AFDN: variants seen among roughly 807,000 people sequenced by gnomAD.
AFDN encodes afadin, adherens junction formation factor.
Under a neutral mutation model 216.6 loss-of-function variants are expected in AFDN, and 68 were observed. The observed-to-expected ratio is 0.31, with a 90% confidence interval of 0.26 to 0.38. The LOEUF is 0.38. AFDN is among the 10% of genes least tolerant of loss of function. The pLI is 1.00. For synonymous variants in AFDN, 868 were observed against 853.7 expected (o/e 1.02, Z -0.29); for missense variants, 2,136 against 2,342.0 (o/e 0.91, Z 1.82).
In AFDN at chr6:167,962,942, C is replaced by T; in HGVS notation, c.4968+375C>T. 4.5e-6 allele frequency: 5 copies of T among 1,121,380 alleles called. No individual in the cohort carries two copies. The highest frequency in any genetic ancestry group is 5.5e-6 in the Non-Finnish European group (5 of 911,510). 69.5% of individuals were successfully genotyped at this position (1,121,380 alleles called of 1,614,324 possible). ...GTGATTGCTTAAATGGCATGTGGAC[C>T]GTGGGAAGCAGTAGGAGCGTAGTAA... On this transcript the variant is annotated intron_variant, in intron 31 of 33. Coordinates refer to ENST00000683244, the MANE Select transcript of AFDN (RefSeq NM_001386888.1). The surrounding 1 kb of genome is among the most constrained non-coding windows in gnomAD (Gnocchi z 5.2).
chr6:167,862,168 A>G (rs1198324280), intron 1 of AFDN, among the ~76,000 whole-genome samples: 3 of 152,170 alleles, frequency 2.0e-5, no homozygotes, highest in African/African-American at 2.4e-5. Context: ...GGAAGGGGGT[A>G]GCGGCAGATG....
At chr6:167,922,387 A>G (rs1791939809) in intron 21 of AFDN, among the ~76,000 whole-genome samples, 1 of 152,204 alleles carries the variant, frequency 6.6e-6, no homozygotes, top group African/African-American at 2.4e-5. Context: ...TTGTTATACA[A>G]GTTACCCAGT....
At position 167,918,734 on chromosome 6, in the gene AFDN, G is replaced by C; in HGVS notation, c.2710-1G>C. On this transcript the variant is annotated splice_acceptor_variant, in intron 20 of 33. Transcript: ENST00000683244. LOFTEE classifies it high-confidence loss of function. ...TAATTTTGCGTTTGTTTTCCAAACAGGATCTTATAGAAAATGTAGTGACTG... is the reference window on the plus strand; with the variant it reads ...TAATTTTGCGTTTGTTTTCCAAACACGATCTTATAGAAAATGTAGTGACTG... The C allele has an allele frequency of 6.2e-7, 1 of 1,614,110 alleles. No homozygotes were observed. The highest frequency in any genetic ancestry group is 8.5e-7 in the Non-Finnish European group (1 of 1,180,006).
chr6:167,859,041 G>A (rs1048139629), intron 1 of AFDN, among the ~76,000 whole-genome samples: 74 of 150,476 alleles, frequency 4.9e-4, no homozygotes, highest in Non-Finnish European at 1.3e-4. Context: ...AAGAATGTTA[G>A]CCTGGTGAAG....
chr6:167,872,122 C>A, intron 3 of AFDN, 92 bp from the exon 4 acceptor site: 1 of 1,166,156 alleles, frequency 8.6e-7, no homozygotes, highest in Non-Finnish European at 1.2e-6. Context: ...TTCACATGTT[C>A]GGCAGCATGT....
chr6:167,877,793 G>C (rs1013632094), intron 5 of AFDN, among the ~76,000 whole-genome samples: 1 of 152,308 alleles, frequency 6.6e-6, no homozygotes, highest in South Asian at 2.1e-4. Context: ...GAGAGTGACA[G>C]CTGTGTCTGT....
intron 1 of AFDN, among the ~76,000 whole-genome samples, chr6:167,840,095 T>C (rs1314498437): frequency 6.6e-6 from 1 of 152,186 alleles, no homozygotes; most frequent in Non-Finnish European, 1.5e-5. Context: ...GGTAGGTAGC[T>C]CATGGGCGGT....
At chr6:167,880,026 A>G (rs1178356486) in intron 5 of AFDN, among the ~76,000 whole-genome samples, 1 of 152,212 alleles carries the variant, frequency 6.6e-6, no homozygotes, top group African/African-American at 2.4e-5. Context: ...GCAGCACCAT[A>G]GAGAAATTCT....
chr6:167,922,383 T>C (rs1583420917), intron 21 of AFDN, among the ~76,000 whole-genome samples: 3 of 152,218 alleles, frequency 2.0e-5, no homozygotes, highest in Non-Finnish European at 4.4e-5. Context: ...AGAATTGTTA[T>C]ACAAGTTACC....
chr6:167,935,247 G>A (rs2128580146), intron 23 of AFDN, among the ~76,000 whole-genome samples: 1 of 152,226 alleles, frequency 6.6e-6, no homozygotes, highest in South Asian at 2.1e-4. Context: ...AAAATGTTAA[G>A]ATCAAACAGG....
chr6:167,883,214 T>C (rs1223267134), intron 6 of AFDN, among the ~76,000 whole-genome samples: 3 of 152,160 alleles, frequency 2.0e-5, no homozygotes, highest in African/African-American at 4.8e-5. Flanking sequence ...GCAGTAGTGC[T>C]GAACGGCACA....
intron 27 of AFDN, 141 bp downstream of exon 27, chr6:167,947,042 T>A: frequency 1.4e-6 from 1 of 703,114 alleles, no homozygotes; most frequent in Non-Finnish European, 2.3e-6. Context: ...ATAAGGGATA[T>A]CATAAGTAAC....
At chr6:167,906,006 G>A (rs939231818) in intron 12 of AFDN, among the ~76,000 whole-genome samples, 2 of 152,182 alleles carry the variant, frequency 1.3e-5, no homozygotes, top group South Asian at 4.1e-4. Context: ...AGGAGGCTAA[G>A]GCAGGAGAAT....
chr6:167,969,921 C>A lies in AFDN; in HGVS notation c.5482C>A (p.Leu1828Met), dbSNP rs765987505. The A allele has an allele frequency of 2.5e-6, 4 of 1,608,472 alleles. No individual in the cohort carries two copies. The highest frequency in any genetic ancestry group is 1.7e-6 in the Non-Finnish European group (2 of 1,178,446). ...TAAATTAACAGAACTGGAGAATGAA[C>A]TGAACACAAAGTGAAAGAAAATGAG... Reference protein sequence around the residue: ...SRKLTELENELNTK With the variant: ...SRKLTELENEMNTK The change falls in exon 34 of 34, where the codon CTG becomes ATG. Residue 1828 changes from leucine to methionine, a missense_variant. Leu to Met is a conservative substitution (Grantham distance 15). Transcript: ENST00000683244.
chr6:167,842,304 T>C (rs899754549), intron 1 of AFDN, among the ~76,000 whole-genome samples: 1 of 152,104 alleles, frequency 6.6e-6, no homozygotes, highest in African/African-American at 2.4e-5. Flanking sequence ...TCTTTCCTTA[T>C]CTCCCTTAGT....
chr6:167,832,702 ACT>A (rs1329586984), intron 1 of AFDN, among the ~76,000 whole-genome samples: 1 of 152,086 alleles, frequency 6.6e-6, no homozygotes, highest in Non-Finnish European at 1.5e-5. Flanking sequence ...CATGAGTGAA[ACT>A]CTTTTGAGGA....
chr6:167,951,314 C>T lies in AFDN; in HGVS notation c.3960C>T (p.Asp1320=), dbSNP rs1252618491. ...DMWINQSSSL[D]SSTSSQEHLN... ...GGATAAATCAGAGCTCCTCACTGGA[C>T]TCCAGTACCTCTAGCCAGGAGCATC... is the stretch of plus-strand genomic sequence containing the variant. The change falls in exon 30 of 34, where the codon GAC becomes GAT. Residue 1320 remains aspartate, a synonymous_variant. Transcript: ENST00000683244. The surrounding 1 kb of genome is among the most constrained non-coding windows in gnomAD (Gnocchi z 7.1). 1.9e-6 allele frequency: 3 copies of T among 1,614,054 alleles called. No homozygotes were observed. Among genetic ancestry groups the T allele is most frequent in the African/African-American group, 2.7e-5 (2 of 74,928 alleles).
At chr6:167,862,069 A>C (rs1270916963) in intron 1 of AFDN, among the ~76,000 whole-genome samples, 1 of 152,200 alleles carries the variant, frequency 6.6e-6, no homozygotes, top group African/African-American at 2.4e-5. Context: ...CTGGAATAAA[A>C]ATACAGCTCC....
At chr6:167,903,722 C>T (rs1789282115) in intron 12 of AFDN, among the ~76,000 whole-genome samples, 1 of 151,816 alleles carries the variant, frequency 6.6e-6, no homozygotes, top group Non-Finnish European at 1.5e-5. Flanking sequence ...TGCTACACAG[C>T]TTCTTGGGGA....
Sources: gnomAD v4.1 joint callset for allele counts (sites outside exome capture counted in the v4.1 genomes callset) on GRCh38, gnomAD v4.1.1 for gene constraint, Gnocchi (gnomAD v3.1) non-coding constraint, MANE v1.5 for transcripts, NCBI Gene and HGNC (gene_info 2026-07-23, HGNC 2026-07-21) for gene names.